MED13L: variants seen among roughly 807,000 people sequenced by gnomAD.
The protein encoded by MED13L is mediator complex subunit 13L, also known as mediator of RNA polymerase II transcription subunit 13-like.
In MED13L, 7 loss-of-function variants were observed where a neutral mutation model predicts 220.9. The ratio of observed to expected loss-of-function variants is 0.03; its 90% CI spans 0.02 to 0.06. The LOEUF is 0.06. Among genes scored for constraint, MED13L ranks in the 10% least tolerant of loss-of-function variants. The probability of loss-of-function intolerance (pLI) is 1.00; values close to 1 mark genes in which losing one functional copy is unlikely to be tolerated. For synonymous variants in MED13L, 1,011 were observed against 1,015.2 expected (o/e 1.00, Z 0.08); for missense variants, 1,965 against 2,760.5 (o/e 0.71, Z 6.46).
chr12:116,171,685 T>C (rs1879688641), intron 2 of MED13L, among the ~76,000 whole-genome samples: 1 of 152,140 alleles, frequency 6.6e-6, no homozygotes. Context: ...CTGAAACCAT[T>C]AATTTTCCTG....
rs535899188 is a variant in MED13L, at chr12:115,972,366, A to C, written c.5732-130T>G. 5.2e-5 allele frequency: 54 copies of C among 1,032,402 alleles called. No individual in the cohort carries two copies. In the African/African-American group the frequency reaches 7.9e-4, roughly 15 times the overall value. 64.0% of individuals were successfully genotyped at this position (1,032,402 alleles called of 1,614,324 possible). ...GCCCTAAAGGGAATTATGGCTTTAC[A>C]TATGTTCCCCTCCTTGCTATAGAGA... On this transcript the variant is annotated intron_variant, in intron 25 of 30. Coordinates refer to ENST00000281928, the MANE Select transcript of MED13L (RefSeq NM_015335.5).
At chr12:116,276,646 A>G (rs2138614704) in intron 1 of MED13L, 1 of 1,197,268 alleles carries the variant, frequency 8.4e-7, no homozygotes, top group Non-Finnish European at 1.1e-6. Flanking sequence ...CAGCTGATCC[A>G]ACAACGGGGG....
chr12:116,129,919 AAAAGAAAGAAAG>A (rs534343859), intron 2 of MED13L, among the ~76,000 whole-genome samples: 6 of 151,194 alleles, frequency 4.0e-5, no homozygotes, highest in South Asian at 2.1e-4. Flanking sequence ...AAAAAAAAAA[AAAAGAAAGAAAG>A]AAAGAAAGAA....
chr12:116,009,183 C>T (rs751700581), intron 9 of MED13L, 51 bp from the exon 10 acceptor site: 2 of 1,605,554 alleles, frequency 1.2e-6, no homozygotes, highest in East Asian at 2.2e-5. Context: ...AAAAGAGATT[C>T]TCTGACAAAA....
chr12:116,039,596 A>G (rs1881402554), intron 4 of MED13L, among the ~76,000 whole-genome samples: 2 of 152,140 alleles, frequency 1.3e-5, no homozygotes, highest in African/African-American at 2.4e-5. Context: ...AGAGGATTTA[A>G]GGCAAGGAAA....
intron 9 of MED13L, among the ~76,000 whole-genome samples, chr12:116,011,974 T>C (rs1299686823): frequency 1.3e-5 from 2 of 152,144 alleles, no homozygotes; most frequent in Admixed American, 1.3e-4. Flanking sequence ...AACCCTGATC[T>C]CACCAGAGAC....
chr12:116,144,171 CCAT>C (rs368386948), intron 2 of MED13L, among the ~76,000 whole-genome samples: 4 of 152,324 alleles, frequency 2.6e-5, no homozygotes, highest in South Asian at 2.1e-4. Flanking sequence ...AATACTCACA[CCAT>C]TAACTCATGT....
chr12:116,035,501 C>CACTTA (rs1279927662), intron 4 of MED13L, among the ~76,000 whole-genome samples: 1 of 152,096 alleles, frequency 6.6e-6, no homozygotes, highest in Non-Finnish European at 1.5e-5. Flanking sequence ...TCATATAACT[C>CACTTA]ACTTAAGCTA....
rs773516832 is a variant in MED13L at position 116,008,684 on chromosome 12, G to A, written c.1729C>T (p.Pro577Ser). The A allele has an allele frequency of 1.9e-6, 3 of 1,614,006 alleles. No individual in the cohort carries two copies. The highest frequency in any genetic ancestry group is 3.3e-5 in the Admixed American group (2 of 60,008). ...ETESLDPPSV[P>S]VNPALYGNGL... Reference sequence around the variant, plus strand: ...TTTCCATAAAGGGCTGGATTCACAGGGACCGATGGTGGGTCCAAACTCTCT... The same window carrying A: ...TTTCCATAAAGGGCTGGATTCACAGAGACCGATGGTGGGTCCAAACTCTCT... The change falls in exon 10 of 31, where the codon CCT becomes TCT. Residue 577 changes from proline (P) to serine (S), a missense_variant. Around this residue, in one of 10 missense-constraint regions of MED13L, gnomAD observed 818 missense variants for 1,041.2 expected, o/e 0.79. Transcript: ENST00000281928.
chr12:116,119,838 A>AAAAT lies in MED13L; in HGVS notation c.311-8327_311-8326insATTT, dbSNP rs1555213242. Among the ~76,000 whole-genome samples the AAAAT allele has an allele frequency of 3.4e-3, 107 of 31,548 alleles. 1 individual carries two copies. Among genetic ancestry groups the AAAAT allele is most frequent in the Non-Finnish European group, 5.0e-3 (91 of 18,058 alleles). 20.7% of individuals were successfully genotyped at this position (31,548 alleles called of 152,430 possible). On this transcript the variant is annotated intron_variant, in intron 2 of 30. Coordinates refer to ENST00000281928, the MANE Select transcript of MED13L (RefSeq NM_015335.5). Reference sequence around the variant, plus strand: ...AAAAAAAAAAAAAAAAAAAAAAAAAAATATATATATATATATATATATATG... The same window carrying AAAAT: ...AAAAAAAAAAAAAAAAAAAAAAAAAAAAATATATATATATATATATATATATATG...
chr12:116,093,954 C>T (rs763702145), intron 4 of MED13L, among the ~76,000 whole-genome samples: 3 of 152,056 alleles, frequency 2.0e-5, no homozygotes, highest in Non-Finnish European at 4.4e-5. Context: ...TTCACTATAA[C>T]CCTCTAAGAC....
intron 4 of MED13L, among the ~76,000 whole-genome samples, chr12:116,046,944 G>A (rs139823280): frequency 6.6e-6 from 1 of 152,188 alleles, no homozygotes; most frequent in Non-Finnish European, 1.5e-5. Context: ...ATGCACTCCA[G>A]CCTGGGCGAC....
Position 116,022,443 on chromosome 12 carries a change from C to T in MED13L, c.625+13G>A, listed in dbSNP as rs772974377. ...GGCGGATAGGGGTGGAGAGCAGGAA[C>T]ACCCATACTTACCTTGAAATGGTGC... is the stretch of plus-strand genomic sequence containing the variant. On this transcript the variant is annotated intron_variant, in intron 5 of 30. Transcript: ENST00000281928. The T allele has an allele frequency of 6.2e-7, 1 of 1,613,462 alleles. No individual in the cohort carries two copies. Among genetic ancestry groups the T allele is most frequent in the Non-Finnish European group, 8.5e-7 (1 of 1,179,650 alleles).
intron 2 of MED13L, among the ~76,000 whole-genome samples, chr12:116,177,861 T>C (rs1312838815): frequency 6.6e-6 from 1 of 151,620 alleles, no homozygotes; most frequent in Non-Finnish European, 1.5e-5. Flanking sequence ...CAAGAAACAA[T>C]TTTTTTTTAA....
intron 2 of MED13L, among the ~76,000 whole-genome samples, chr12:116,175,552 G>A (rs1266440634): frequency 6.6e-6 from 1 of 152,114 alleles, no homozygotes; most frequent in East Asian, 1.9e-4. Context: ...TCTGAACCCA[G>A]GAATATTGAG....
At chr12:116,068,805 G>C (rs944291433) in intron 4 of MED13L, among the ~76,000 whole-genome samples, 2 of 132,324 alleles carry the variant, frequency 1.5e-5, no homozygotes, top group African/African-American at 5.6e-5. Flanking sequence ...GTCTGTTCTT[G>C]TTGTGTACAA....
At chr12:116,087,579 C>T (rs971755596) in intron 4 of MED13L, among the ~76,000 whole-genome samples, 1 of 152,168 alleles carries the variant, frequency 6.6e-6, no homozygotes, top group African/African-American at 2.4e-5. Flanking sequence ...AGAAAGGACC[C>T]CATTTACTAA....
chr12:116,268,141 T>C (rs1872976526), intron 1 of MED13L, among the ~76,000 whole-genome samples: 1 of 152,116 alleles, frequency 6.6e-6, no homozygotes, highest in Admixed American at 6.5e-5. Flanking sequence ...ACAGGGTCAC[T>C]CTCCTGCAGA....
intron 1 of MED13L, among the ~76,000 whole-genome samples, chr12:116,248,353 A>C (rs1871252008): frequency 6.6e-6 from 1 of 152,178 alleles, no homozygotes; most frequent in South Asian, 2.1e-4. Flanking sequence ...CAACAGTGAG[A>C]GCTCCCTCTA....
Sources: allele counts gnomAD v4.1 joint callset (sites outside exome capture counted in the v4.1 genomes callset), GRCh38; gene constraint gnomAD v4.1.1; regional missense constraint gnomAD v4.1.1; transcripts MANE v1.5; gene names NCBI Gene and HGNC (gene_info 2026-07-23, HGNC 2026-07-21).